Variants in HEMK2 observed in about 807,000 individuals in gnomAD.
HEMK2 encodes methyltransferase HEMK2.
the HEMK2 span, among the ~76,000 whole-genome samples, chr21:28,631,833 T>TA: frequency 4.3e-4 from 65 of 151,870 alleles, no homozygotes; most frequent in African/African-American, 1.5e-3. Flanking sequence ...CTCTTAGATT[T>TA]AAAAAAATTT....
the HEMK2 span, among the ~76,000 whole-genome samples, chr21:28,800,126 C>A: frequency 6.6e-6 from 1 of 152,188 alleles, no homozygotes; most frequent in East Asian, 1.9e-4. Flanking sequence ...TCAGTCCAGA[C>A]CTACGTTGGT....
At chr21:28,704,173 T>C in the HEMK2 span, among the ~76,000 whole-genome samples, 1 of 152,194 alleles carries the variant, frequency 6.6e-6, no homozygotes, top group South Asian at 2.1e-4. Flanking sequence ...TGCATCTTCC[T>C]AGAACTGTAG....
the HEMK2 span, among the ~76,000 whole-genome samples, chr21:28,588,536 T>C: frequency 3.3e-5 from 5 of 152,172 alleles, no homozygotes; most frequent in African/African-American, 1.2e-4. Context: ...CCCGATCAGA[T>C]TGTTGGGGTG....
At chr21:28,733,626 A>G in the HEMK2 span, among the ~76,000 whole-genome samples, 1 of 151,872 alleles carries the variant, frequency 6.6e-6, no homozygotes, top group Non-Finnish European at 1.5e-5. Context: ...TTTTGAATTA[A>G]GTTGCGTACC....
chr21:28,811,170 C>T, the HEMK2 span, among the ~76,000 whole-genome samples: 1 of 149,362 alleles, frequency 6.7e-6, no homozygotes, highest in Non-Finnish European at 1.5e-5. Flanking sequence ...TTTCTTGAGA[C>T]CAGGAATTCA....
chr21:28,732,886 C>T, the HEMK2 span, among the ~76,000 whole-genome samples: 1 of 152,152 alleles, frequency 6.6e-6, no homozygotes, highest in South Asian at 2.1e-4. Context: ...TAAAATTTTG[C>T]TTGTCGGTAA....
At chr21:28,777,477 G>C in the HEMK2 span, among the ~76,000 whole-genome samples, 404 of 152,240 alleles carry the variant, frequency 2.7e-3, 3 homozygotes, top group African/African-American at 9.0e-3. Flanking sequence ...TGTCTACAAA[G>C]GAAATGAGTC....
chr21:28,876,240 C>T, the HEMK2 span: 1,371 of 501,118 alleles, frequency 2.7e-3, 14 homozygotes, highest in African/African-American at 0.024. Flanking sequence ...ATTCTATAGG[C>T]CTGACTGAAA....
the HEMK2 span, among the ~76,000 whole-genome samples, chr21:28,680,691 A>T: frequency 6.6e-6 from 1 of 152,218 alleles, no homozygotes; most frequent in African/African-American, 2.4e-5. Flanking sequence ...CACATCAAAA[A>T]GCTTAACCAC....
the HEMK2 span, among the ~76,000 whole-genome samples, chr21:28,882,692 T>C: frequency 6.6e-6 from 1 of 152,246 alleles, no homozygotes; most frequent in Non-Finnish European, 1.5e-5. Flanking sequence ...TTTATACTTT[T>C]CTACATTCCC....
At chr21:28,726,459 GTT>G in the HEMK2 span, among the ~76,000 whole-genome samples, 1 of 152,084 alleles carries the variant, frequency 6.6e-6, no homozygotes, top group African/African-American at 2.4e-5. Context: ...TATCAATGTT[GTT>G]CTTTGTTTAA....
the HEMK2 span, among the ~76,000 whole-genome samples, chr21:28,819,184 G>T: frequency 6.6e-6 from 1 of 151,758 alleles, no homozygotes; most frequent in African/African-American, 2.4e-5. Flanking sequence ...AGTAAAACTA[G>T]ATGGGTATTG....
the HEMK2 span, among the ~76,000 whole-genome samples, chr21:28,714,295 A>G: frequency 6.6e-6 from 1 of 152,212 alleles, no homozygotes; most frequent in African/African-American, 2.4e-5. Flanking sequence ...CATTCTAGAT[A>G]TATTATTTCT....
At chr21:28,675,543 C>T in the HEMK2 span, among the ~76,000 whole-genome samples, 1 of 152,176 alleles carries the variant, frequency 6.6e-6, no homozygotes, top group East Asian at 1.9e-4. Flanking sequence ...AAGACAGAGA[C>T]AGAACAGGGA....
the HEMK2 span, among the ~76,000 whole-genome samples, chr21:28,683,579 C>A: frequency 1.3e-5 from 2 of 152,138 alleles, no homozygotes; most frequent in African/African-American, 2.4e-5. Context: ...CATACACGCA[C>A]AATGTTTACA....
chr21:28,623,234 A>T, the HEMK2 span, among the ~76,000 whole-genome samples: 1 of 152,242 alleles, frequency 6.6e-6, no homozygotes, highest in Non-Finnish European at 1.5e-5. Flanking sequence ...ATATGAAAAA[A>T]ACTCATCATC....
At chr21:28,735,040 A>C in the HEMK2 span, among the ~76,000 whole-genome samples, 3 of 152,108 alleles carry the variant, frequency 2.0e-5, no homozygotes, top group African/African-American at 7.2e-5. Flanking sequence ...GCTCCTCGGC[A>C]CTGCTTCATT....
the HEMK2 span, among the ~76,000 whole-genome samples, chr21:28,756,681 G>T: frequency 1.3e-5 from 2 of 152,172 alleles, no homozygotes; most frequent in Non-Finnish European, 1.5e-5. Flanking sequence ...AAGGCCTCTT[G>T]ATTCCCAAAC....
chr21:28,756,394 C>A, the HEMK2 span, among the ~76,000 whole-genome samples: 2 of 152,118 alleles, frequency 1.3e-5, no homozygotes, highest in African/African-American at 2.4e-5. Context: ...TCACTTCAGG[C>A]GGCCTTTTTT....
Sources: gnomAD v4.1 joint callset for allele counts (sites outside exome capture counted in the v4.1 genomes callset) on GRCh38, gnomAD v4.1.1 for gene constraint, MANE v1.5 for transcripts, NCBI Gene and HGNC (gene_info 2026-07-23, HGNC 2026-07-21) for gene names.